The following SLC23A2 variants were observed in gnomAD, a reference collection of about 807,000 sequenced individuals.
SLC23A2 encodes the protein solute carrier family 23 member 2.
A neutral mutation model predicts 73.3 loss-of-function variants in SLC23A2; 36 were observed. The ratio of observed to expected loss-of-function variants is 0.49; its 90% CI spans 0.38 to 0.65. The LOEUF is 0.65. Ranked by LOEUF, SLC23A2 falls within the 30% of genes least tolerant of loss-of-function variation. SLC23A2 has a pLI of 0.00. For synonymous variants in SLC23A2, 343 were observed against 327.3 expected, an observed-to-expected ratio of 1.05 and a Z score of -0.52; for missense variants, 507 against 841.6, an observed-to-expected ratio of 0.60 and a Z score of 4.92.
intron 1 of SLC23A2, among the ~76,000 whole-genome samples, chr20:4,982,540 G>T (rs535306302): frequency 6.6e-6 from 1 of 152,044 alleles, no homozygotes; most frequent in Admixed American, 6.6e-5. Context: ...GAAATACACA[G>T]GACCCAGAAT....
chr20:4,970,820 T>G lies in SLC23A2; in HGVS notation c.-182A>C, dbSNP rs1362511897. On this transcript the variant is annotated 5_prime_UTR_variant, in exon 2 of 17. An upstream start codon of the reference 5' UTR is lost. Transcript: ENST00000338244. ...AAGTGATGTGGCGTAGACCTGTCCA[T>G]ATGCTTTCCATTACAATTCGCTGAG... 1.3e-5 allele frequency: 2 copies of G among 152,256 alleles called. No individual in the cohort carries two copies. 9.4% of individuals were successfully genotyped at this position (152,256 alleles called of 1,614,324 possible).
At chr20:4,914,792 G>T (rs1223947380) in intron 3 of SLC23A2, among the ~76,000 whole-genome samples, 2 of 152,166 alleles carry the variant, frequency 1.3e-5, no homozygotes, top group Non-Finnish European at 2.9e-5. Context: ...TGTAATCCTG[G>T]CACTTTGGAA....
intron 1 of SLC23A2, among the ~76,000 whole-genome samples, chr20:4,975,507 A>C (rs1295799603): frequency 1.3e-5 from 2 of 151,750 alleles, no homozygotes; most frequent in Non-Finnish European, 2.9e-5. Context: ...CAGCCTCCCA[A>C]GTAGCTGGGA....
chr20:4,949,337 T>C (rs892445440), intron 2 of SLC23A2, among the ~76,000 whole-genome samples: 6 of 151,610 alleles, frequency 4.0e-5, no homozygotes, highest in African/African-American at 1.4e-4. Context: ...AGCAGAGCTT[T>C]GGCAATCCTG....
At chr20:4,966,375 GGTAA>G (rs1262529316) in intron 2 of SLC23A2, among the ~76,000 whole-genome samples, 9 of 152,114 alleles carry the variant, frequency 5.9e-5, no homozygotes, top group Non-Finnish European at 1.0e-4. Flanking sequence ...ATTGCTCAGT[GGTAA>G]GTAAAGCTAT....
At chr20:4,948,952 G>C (rs909789104) in intron 2 of SLC23A2, among the ~76,000 whole-genome samples, 3 of 151,980 alleles carry the variant, frequency 2.0e-5, no homozygotes, top group Admixed American at 2.0e-4. Flanking sequence ...CTTTTTGGTT[G>C]TTTACTTACT....
intron 1 of SLC23A2, among the ~76,000 whole-genome samples, chr20:4,975,748 T>C (rs1181556109): frequency 1.3e-5 from 2 of 151,892 alleles, no homozygotes; most frequent in Non-Finnish European, 2.9e-5. Context: ...GATCTTGATT[T>C]CTTTGATCCA....
At chr20:4,877,604 T>C (rs1930710334) in intron 9 of SLC23A2, among the ~76,000 whole-genome samples, 1 of 152,204 alleles carries the variant, frequency 6.6e-6, no homozygotes, top group Non-Finnish European at 1.5e-5. Flanking sequence ...AGGAGGGGAC[T>C]ATTATTTTGC....
At chr20:4,921,397 C>A (rs1213117230) in intron 3 of SLC23A2, among the ~76,000 whole-genome samples, 3 of 152,078 alleles carry the variant, frequency 2.0e-5, no homozygotes, top group African/African-American at 7.2e-5. Context: ...GCCTAGGCAA[C>A]ATGGCAAAAC....
chr20:4,965,624 T>C (rs1268999965), intron 2 of SLC23A2, among the ~76,000 whole-genome samples: 1 of 151,770 alleles, frequency 6.6e-6, no homozygotes, highest in Non-Finnish European at 1.5e-5. Flanking sequence ...ATTAGCCAGG[T>C]ATGGTGGTGC....
At chr20:4,860,207 A>G (rs6116556) in intron 15 of SLC23A2, among the ~76,000 whole-genome samples, 29,258 of 152,188 alleles carry the variant, frequency 0.19, 4,036 homozygotes, top group African/African-American at 0.39. Flanking sequence ...GAAATTGCCC[A>G]TACACTAAAA....
rs921541834 is a variant in SLC23A2 at position 4,863,192 on chromosome 20, C to T, written c.1357-285G>A. The stretch of plus-strand genomic sequence containing the variant: ...CTCAAATGCAAAGGCCACACTTTGC[C>T]CCTGCCTATCCCCTGGGTTCCCGGC... On this transcript the variant is annotated intron_variant, in intron 13 of 16. Coordinates refer to ENST00000338244, the MANE Select transcript of SLC23A2 (RefSeq NM_005116.6). The surrounding 1 kb of genome is among the most constrained non-coding windows in gnomAD (Gnocchi z 4.8). Among the ~76,000 whole-genome samples the T allele has an allele frequency of 2.0e-5, 3 of 152,266 alleles. No homozygotes were observed. Among genetic ancestry groups the T allele is most frequent in the Admixed American group, 6.5e-5 (1 of 15,288 alleles).
At chr20:4,924,668 C>T (rs909051215) in intron 3 of SLC23A2, among the ~76,000 whole-genome samples, 1 of 152,216 alleles carries the variant, frequency 6.6e-6, no homozygotes, top group Non-Finnish European at 1.5e-5. Context: ...ACACCAGGCA[C>T]CCCCCTGCTG....
intron 5 of SLC23A2, among the ~76,000 whole-genome samples, chr20:4,901,039 C>T (rs771892908): frequency 6.6e-6 from 1 of 152,160 alleles, no homozygotes; most frequent in Non-Finnish European, 1.5e-5. Flanking sequence ...GGGTTTCCCA[C>T]TCCTATCTGA....
intron 12 of SLC23A2, chr20:4,869,646 T>G: frequency 2.3e-6 from 1 of 433,410 alleles, no homozygotes. Context: ...GAGTGTGTTA[T>G]TTGATGTCAC....
intron 6 of SLC23A2, 28 bp from the exon 7 acceptor site, chr20:4,885,937 T>G: frequency 6.6e-7 from 1 of 1,518,652 alleles, no homozygotes; most frequent in Non-Finnish European, 9.1e-7. Flanking sequence ...AAAACCATGA[T>G]CACGGCATCG....
intron 1 of SLC23A2, among the ~76,000 whole-genome samples, chr20:4,995,151 A>C (rs1307404303): frequency 3.3e-5 from 5 of 152,110 alleles, no homozygotes. Context: ...GAACAAAGGA[A>C]AGCCAGTGGG....
intron 3 of SLC23A2, among the ~76,000 whole-genome samples, chr20:4,930,843 T>C (rs1386523722): frequency 6.6e-6 from 1 of 151,634 alleles, no homozygotes; most frequent in Non-Finnish European, 1.5e-5. Context: ...ATGTTCAAGT[T>C]AGGGTTGGTG....
chr20:4,950,552 A>T (rs766245008), intron 2 of SLC23A2, among the ~76,000 whole-genome samples: 7 of 152,180 alleles, frequency 4.6e-5, no homozygotes, highest in Non-Finnish European at 8.8e-5. Flanking sequence ...ATGCACACTG[A>T]CAGTCTGACA....
Sources: allele counts gnomAD v4.1 joint callset (sites outside exome capture counted in the v4.1 genomes callset), GRCh38; gene constraint gnomAD v4.1.1; non-coding constraint Gnocchi (gnomAD v3.1); transcripts MANE v1.5; gene names NCBI Gene and HGNC (gene_info 2026-07-23, HGNC 2026-07-21).